UGT1A7: variants seen among roughly 807,000 people sequenced by gnomAD.
The protein encoded by UGT1A7 is UDP glucuronosyltransferase family 1 member A7.
A neutral mutation model predicts 45.6 loss-of-function variants in UGT1A7; 33 were observed. The observed-to-expected ratio is 0.72, with a 90% confidence interval of 0.55 to 0.97. The LOEUF is 0.97. UGT1A7 is among the 50% of genes least tolerant of loss of function. The pLI, the probability that UGT1A7 is intolerant of heterozygous loss-of-function variation, is 0.00. For synonymous variants in UGT1A7, 274 were observed against 250.6 expected, an observed-to-expected ratio of 1.09 and a Z score of -0.88; for missense variants, 684 against 666.2, an observed-to-expected ratio of 1.03 and a Z score of -0.29.
intron 1 of UGT1A7, among the ~76,000 whole-genome samples, chr2:233,709,652 C>CTTTG (rs930878548): frequency 6.6e-6 from 1 of 152,042 alleles, no homozygotes; most frequent in Non-Finnish European, 1.5e-5. Flanking sequence ...ATAGGTAGGG[C>CTTTG]TTTGTATAGT....
intron 1 of UGT1A7, among the ~76,000 whole-genome samples, chr2:233,742,120 G>T (rs910307834): frequency 7.9e-5 from 12 of 151,826 alleles, no homozygotes; most frequent in Admixed American, 6.5e-5. Flanking sequence ...CAGCTTGGTC[G>T]TGGAGACCCT....
At chr2:233,718,768 T>C in intron 1 of UGT1A7, 2 of 1,612,770 alleles carry the variant, frequency 1.2e-6, no homozygotes, top group Non-Finnish European at 1.7e-6. Flanking sequence ...AGGAAACAAA[T>C]GTAGCAGGCA....
At position 233,689,220 on chromosome 2, in the gene UGT1A7, C is replaced by T. The variant is rs1451554792; in HGVS notation, c.855+6428C>T. On this transcript the variant is annotated intron_variant, in intron 1 of 4. Coordinates refer to ENST00000373426, the MANE Select transcript of UGT1A7 (RefSeq NM_019077.3). Reference sequence around the variant, plus strand: ...TGGCTGGGCAAGCCATACTTACCTGCACTTCCCTATTCCATCTGTGAGTGA... The same window carrying T: ...TGGCTGGGCAAGCCATACTTACCTGTACTTCCCTATTCCATCTGTGAGTGA... 3.0e-4 allele frequency among the ~76,000 whole-genome samples: 45 copies of T among 152,194 alleles called. 1 individual carries two copies. The highest frequency in any genetic ancestry group is 2.4e-5 in the African/African-American group (1 of 41,452).
intron 1 of UGT1A7, among the ~76,000 whole-genome samples, chr2:233,737,339 C>T (rs1412051076): frequency 6.6e-6 from 1 of 152,240 alleles, no homozygotes; most frequent in Non-Finnish European, 1.5e-5. Context: ...GAGCAAGGCT[C>T]CGTGGGCATG....
At chr2:233,713,500 T>C (rs747145131) in intron 1 of UGT1A7, 1 of 1,614,018 alleles carries the variant, frequency 6.2e-7, no homozygotes, top group East Asian at 2.2e-5. Flanking sequence ...ATTCCTGCTG[T>C]GTTTTTCTTG....
chr2:233,707,545 T>A (rs1006083249), intron 1 of UGT1A7, among the ~76,000 whole-genome samples: 1 of 152,170 alleles, frequency 6.6e-6, no homozygotes, highest in African/African-American at 2.4e-5. Flanking sequence ...TGCCTTTTTT[T>A]TTTTTTTGGT....
At chr2:233,691,049 G>A (rs751758804) in intron 1 of UGT1A7, 13 of 988,248 alleles carry the variant, frequency 1.3e-5, no homozygotes, top group Non-Finnish European at 1.6e-5. Flanking sequence ...CCACAGCAGA[G>A]TGGAGGTCTA....
In UGT1A7 at chr2:233,682,244, C is replaced by A; in HGVS notation, c.307C>A (p.Arg103=). The A allele has an allele frequency of 6.2e-7, 1 of 1,614,148 alleles. No individual in the cohort carries two copies. Among genetic ancestry groups the A allele is most frequent in the South Asian group, 1.1e-5 (1 of 91,072 alleles). ...CGATGCTCGCTGGACGGCACCATTGCGAAGTGCATTTTCTCTATTAACAAG... is the reference window on the plus strand; with the variant it reads ...CGATGCTCGCTGGACGGCACCATTGAGAAGTGCATTTTCTCTATTAACAAG... ...FADARWTAPL[R]SAFSLLTSSS... The change falls in exon 1 of 5, where the codon CGA becomes AGA. Residue 103 remains arginine, a synonymous_variant. Transcript: ENST00000373426.
intron 1 of UGT1A7, chr2:233,693,024 C>T (rs866045701): frequency 1.2e-6 from 2 of 1,614,158 alleles, no homozygotes; most frequent in Non-Finnish European, 1.7e-6. Context: ...CTCCTTCGCT[C>T]ATTTCAGAGA....
chr2:233,762,650 A>G (rs1191446046), intron 1 of UGT1A7, among the ~76,000 whole-genome samples: 5 of 151,336 alleles, frequency 3.3e-5, no homozygotes, highest in Admixed American at 2.6e-4. Context: ...AAGATAAGCT[A>G]TTTTGTAGTT....
intron 1 of UGT1A7, chr2:233,713,358 A>G (rs772185686): frequency 1.2e-5 from 19 of 1,614,040 alleles, no homozygotes; most frequent in Non-Finnish European, 1.4e-5. Flanking sequence ...TATGTCTTTG[A>G]TCATACATAG....
chr2:233,755,826 A>T (rs1696033574), intron 1 of UGT1A7: 1 of 152,260 alleles, frequency 6.6e-6, no homozygotes, highest in Admixed American at 6.5e-5. Context: ...AAAAAGACAT[A>T]TTCATTGGGC....
intron 1 of UGT1A7, among the ~76,000 whole-genome samples, chr2:233,764,385 C>A (rs1299567681): frequency 6.6e-6 from 1 of 152,140 alleles, no homozygotes; most frequent in African/African-American, 2.4e-5. Context: ...AGGAGTTGGC[C>A]GTGATGACAA....
At chr2:233,730,783 G>A (rs968780327) in intron 1 of UGT1A7, among the ~76,000 whole-genome samples, 1 of 152,100 alleles carries the variant, frequency 6.6e-6, no homozygotes, top group Non-Finnish European at 1.5e-5. Flanking sequence ...AGTGAAGCTG[G>A]GGACAGTGAT....
intron 1 of UGT1A7, chr2:233,748,021 T>C: frequency 1.9e-6 from 3 of 1,613,578 alleles, no homozygotes; most frequent in Non-Finnish European, 2.5e-6. Context: ...AGGCCGATCA[T>C]GCCCAACATG....
At chr2:233,724,191 T>C (rs1269931641) in intron 1 of UGT1A7, among the ~76,000 whole-genome samples, 4 of 105,204 alleles carry the variant, frequency 3.8e-5, no homozygotes, top group South Asian at 3.6e-4. Flanking sequence ...CCGGACGGGG[T>C]GGCTGGCCGG....
intron 1 of UGT1A7, among the ~76,000 whole-genome samples, chr2:233,704,787 A>G (rs1316884961): frequency 6.6e-6 from 1 of 152,096 alleles, no homozygotes; most frequent in Non-Finnish European, 1.5e-5. Context: ...TATAGTCCCA[A>G]CAATATAATT....
chr2:233,699,831 A>C (rs2075527106), intron 1 of UGT1A7, among the ~76,000 whole-genome samples: 1 of 152,178 alleles, frequency 6.6e-6, no homozygotes, highest in Non-Finnish European at 1.5e-5. Flanking sequence ...CTCAAATAGA[A>C]CTAATTTTTC....
chr2:233,713,160 C>T (rs2076285885), intron 1 of UGT1A7: 1 of 1,614,074 alleles, frequency 6.2e-7, no homozygotes. Context: ...GAGAGGCCAC[C>T]AGGTGGTGGT....
Sources: gnomAD v4.1 joint callset for allele counts (sites outside exome capture counted in the v4.1 genomes callset) on GRCh38, gnomAD v4.1.1 for gene constraint, MANE v1.5 for transcripts, NCBI Gene and HGNC (gene_info 2026-07-23, HGNC 2026-07-21) for gene names.